The following POLN variants were observed in gnomAD, a reference collection of about 807,000 sequenced individuals.
The protein encoded by POLN is DNA polymerase N.
A neutral mutation model predicts 113.5 loss-of-function variants in POLN; 108 were observed. The observed-to-expected ratio is 0.95, with a 90% CI of 0.81 to 1.12. The LOEUF is 1.12. Ranked by LOEUF, POLN falls within the 50% of genes most tolerant of loss-of-function variation. The pLI is 0.00. For missense variants in POLN, 1,097 were observed against 1,077.1 expected (o/e 1.02, Z -0.26); for synonymous variants, 386 against 391.5 (o/e 0.99, Z 0.17).
chr4:2,198,711 C>CG lies in POLN; in HGVS notation c.720dup (p.Val241ArgfsTer5). 3.1e-6 allele frequency: 5 copies of CG among 1,604,044 alleles called. No homozygotes were observed. Among genetic ancestry groups the CG allele is most frequent in the Non-Finnish European group, 4.3e-6 (5 of 1,175,298 alleles). ...ACCACAATTCCTCTAACAGAAGAAACGGGGGTCTGTGGAAACACAACAAAA... is the reference window on the plus strand; with the variant it reads ...ACCACAATTCCTCTAACAGAAGAAACGGGGGGTCTGTGGAAACACAACAAAA... On this transcript the variant is annotated frameshift_variant, in exon 6 of 26. Coordinates refer to ENST00000511885, the MANE Select transcript of POLN (RefSeq NM_181808.4). LOFTEE classifies it high-confidence loss of function.
intron 24 of POLN, among the ~76,000 whole-genome samples, chr4:2,073,919 G>T (rs1730213377): frequency 6.6e-6 from 1 of 152,244 alleles, no homozygotes; most frequent in Non-Finnish European, 1.5e-5. Flanking sequence ...CGTCTGCAGG[G>T]AGCTGTCGGC....
At chr4:2,197,750 A>G (rs1004217132) in intron 6 of POLN, among the ~76,000 whole-genome samples, 1 of 152,196 alleles carries the variant, frequency 6.6e-6, no homozygotes, top group Non-Finnish European at 1.5e-5. Context: ...GTTACCTAAA[A>G]TCACCCAGAG....
intron 19 of POLN, among the ~76,000 whole-genome samples, chr4:2,120,606 G>A (rs1353117363): frequency 2.0e-5 from 3 of 151,870 alleles, no homozygotes; most frequent in Non-Finnish European, 2.9e-5. Context: ...TGATTCTCCT[G>A]TCTCAGTCTC....
At chr4:2,118,164 AC>A (rs1731361306) in intron 19 of POLN, among the ~76,000 whole-genome samples, 1 of 151,966 alleles carries the variant, frequency 6.6e-6, no homozygotes, top group Admixed American at 6.5e-5. Context: ...ACAAACTTTT[AC>A]CCTTTTTTAC....
At chr4:2,121,965 C>T (rs868114694) in intron 19 of POLN, among the ~76,000 whole-genome samples, 4 of 151,968 alleles carry the variant, frequency 2.6e-5, no homozygotes, top group African/African-American at 7.3e-5. Flanking sequence ...GTAAGCATTT[C>T]GTGCTATACT....
At chr4:2,219,167 G>T (rs1734191907) in intron 3 of POLN, among the ~76,000 whole-genome samples, 1 of 152,132 alleles carries the variant, frequency 6.6e-6, no homozygotes, top group Non-Finnish European at 1.5e-5. Flanking sequence ...GCTTCGGAGT[G>T]AGCCCTCCCA....
chr4:2,126,495 G>A lies in POLN; in HGVS notation c.1982+1618C>T, dbSNP rs147776983. ...GTGGATGAGGTCTCGGCCCCTGGGC[G>A]CTGTCGCTGCAGCAGGATGGACAGT... On this transcript the variant is annotated intron_variant, in intron 19 of 25. Transcript: ENST00000511885. This position sits in a 1 kb window ranked among gnomAD's most constrained non-coding sequence, Gnocchi z 4.6. Among the ~76,000 whole-genome samples the A allele has an allele frequency of 6.6e-6, 1 of 152,326 alleles. No homozygotes were observed. Among genetic ancestry groups the A allele is most frequent in the African/African-American group, 2.4e-5 (1 of 41,576 alleles).
chr4:2,127,549 C>T lies in POLN; in HGVS notation c.1982+564G>A, dbSNP rs542087379. ...CGTCTCTCCATCCTGCTTTGGAGAC[C>T]GGAGCAGGTATTCCACCAGGAGGAA... On this transcript the variant is annotated intron_variant, in intron 19 of 25. Coordinates refer to ENST00000511885, the MANE Select transcript of POLN (RefSeq NM_181808.4). This position sits in a 1 kb window ranked among gnomAD's most constrained non-coding sequence, Gnocchi z 4.7. Among the ~76,000 whole-genome samples the T allele has an allele frequency of 3.9e-5, 6 of 152,154 alleles. No individual in the cohort carries two copies. In the East Asian group the frequency reaches 5.8e-4, roughly 15 times the overall value.
chr4:2,120,329 C>A (rs1201045702), intron 19 of POLN, among the ~76,000 whole-genome samples: 3 of 152,056 alleles, frequency 2.0e-5, no homozygotes, highest in Non-Finnish European at 4.4e-5. Flanking sequence ...AACCTATGGA[C>A]CAATTTTGGG....
chr4:2,208,079 T>C lies in POLN; in HGVS notation c.622A>G (p.Lys208Glu), dbSNP rs750618687. ...TTGAGCATTTCAATCAGCTGGCTTT[T>C]TGCCCAATCATCCAAATGCCTAATA... is the stretch of plus-strand genomic sequence containing the variant. ...CDIRHLDDWA[K>E]SQLIEMLKQA... Residue 208 changes from lysine to glutamate, a missense_variant, in exon 5 of 26, where the codon AAA becomes GAA. By Grantham distance (56) the Lys-to-Glu change is moderately conservative. Transcript: ENST00000511885. 2 of 1,614,212 alleles carry C rather than the reference T, an allele frequency of 1.2e-6. No homozygotes were observed. Among genetic ancestry groups the C allele is most frequent in the Non-Finnish European group, 1.7e-6 (2 of 1,180,020 alleles).
intron 16 of POLN, among the ~76,000 whole-genome samples, chr4:2,154,542 C>A (rs1448941315): frequency 6.6e-6 from 1 of 152,174 alleles, no homozygotes; most frequent in Admixed American, 6.5e-5. Flanking sequence ...AAGCATTTCA[C>A]ATACTATGTG....
intron 3 of POLN, among the ~76,000 whole-genome samples, chr4:2,224,509 A>T (rs1000083363): frequency 2.6e-5 from 4 of 152,240 alleles, no homozygotes; most frequent in South Asian, 2.1e-4. Context: ...TGTATATACA[A>T]TTATACGTAG....
intron 19 of POLN, among the ~76,000 whole-genome samples, chr4:2,120,546 T>C (rs1047768063): frequency 1.3e-5 from 2 of 151,194 alleles, no homozygotes; most frequent in Admixed American, 6.6e-5. Context: ...CAGGCTGGAG[T>C]GTAGTGGCGC....
intron 4 of POLN, among the ~76,000 whole-genome samples, chr4:2,209,471 T>G (rs1179722743): frequency 8.3e-6 from 1 of 120,518 alleles, no homozygotes; most frequent in Non-Finnish European, 1.6e-5. Flanking sequence ...AGAGCAAGAC[T>G]CCGTCTCAGA....
At chr4:2,171,378 C>T (rs927567786) in intron 11 of POLN, among the ~76,000 whole-genome samples, 197 bp from the exon 12 acceptor site, 2 of 122,482 alleles carry the variant, frequency 1.6e-5, no homozygotes, top group Admixed American at 1.9e-4. Flanking sequence ...CATAGTGCGA[C>T]CCCACCACTA....
At chr4:2,163,069 A>G (rs947890507) in intron 13 of POLN, among the ~76,000 whole-genome samples, 3 of 147,390 alleles carry the variant, frequency 2.0e-5, no homozygotes, top group Middle Eastern at 3.5e-3. Flanking sequence ...CAGGATTTTA[A>G]TTAAAATTGT....
chr4:2,204,037 A>C (rs1369280136), intron 5 of POLN, among the ~76,000 whole-genome samples: 1 of 131,536 alleles, frequency 7.6e-6, no homozygotes, highest in Non-Finnish European at 1.6e-5. Flanking sequence ...TGAACCCGGG[A>C]GGCGGAGGTT....
intron 16 of POLN, among the ~76,000 whole-genome samples, chr4:2,141,762 G>A (rs1178478012): frequency 2.0e-5 from 3 of 152,196 alleles, no homozygotes; most frequent in Non-Finnish European, 4.4e-5. Flanking sequence ...CCAGGGGAGT[G>A]CAGGACCCCA....
intron 3 of POLN, among the ~76,000 whole-genome samples, chr4:2,214,909 A>G (rs1185983866): frequency 6.6e-6 from 1 of 151,228 alleles, no homozygotes; most frequent in Non-Finnish European, 1.5e-5. Context: ...ATATATGTAT[A>G]TACATATACA....
Sources: gnomAD v4.1 joint callset for allele counts (sites outside exome capture counted in the v4.1 genomes callset) on GRCh38, gnomAD v4.1.1 for gene constraint, Gnocchi (gnomAD v3.1) non-coding constraint, MANE v1.5 for transcripts, NCBI Gene and HGNC (gene_info 2026-07-23, HGNC 2026-07-21) for gene names.